Variants in KLKB1 observed in about 807,000 individuals in gnomAD.
KLKB1 encodes kallikrein B1, also known as plasma kallikrein.
Under a neutral mutation model 73.6 loss-of-function variants are expected in KLKB1, and 58 were observed. The observed-to-expected ratio is 0.79, with a 90% CI of 0.64 to 0.98. The LOEUF is 0.98. KLKB1 is among the 50% of genes least tolerant of loss of function. KLKB1 has a pLI of 0.00. For missense variants in KLKB1, 737 were observed against 763.8 expected, an observed-to-expected ratio of 0.96 and a Z score of 0.41; for synonymous variants, 280 against 258.1, an observed-to-expected ratio of 1.08 and a Z score of -0.81.
At chr4:186,241,525 C>A (rs1459659200) in intron 6 of KLKB1, among the ~76,000 whole-genome samples, 1 of 152,124 alleles carries the variant, frequency 6.6e-6, no homozygotes, top group African/African-American at 2.4e-5. Flanking sequence ...CATCTTCCTG[C>A]ATAGATCTTG....
chr4:186,251,888 C>G, intron 10 of KLKB1, 27 bp downstream of exon 10: 1 of 1,598,190 alleles, frequency 6.3e-7, no homozygotes, highest in Non-Finnish European at 8.6e-7. Flanking sequence ...TTTCGTGGAC[C>G]TGTCAGGGAT....
Position 186,257,369 on chromosome 4 carries a change from A to G in KLKB1, c.1725+4A>G. On this transcript the variant is annotated splice_donor_region_variant and intron_variant, in intron 14 of 14. Transcript: ENST00000264690. ...AGGGGGAAAAGATGCTTGTAAGGTA[A>G]CTCATGAGATTATGAAAAACACAAT... 1.3e-6 allele frequency: 2 copies of G among 1,574,018 alleles called. No individual in the cohort carries two copies. Among genetic ancestry groups the G allele is most frequent in the South Asian group, 2.4e-5 (2 of 82,624 alleles).
Position 186,248,419 on chromosome 4 carries a change from G to A in KLKB1, c.599-1824G>A, listed in dbSNP as rs543812937. Among the ~76,000 whole-genome samples, 6 of 152,198 alleles carry A rather than the reference G, an allele frequency of 3.9e-5. No homozygotes were observed. The East Asian group carries it at 1.2e-3, about 29-fold the overall frequency. On this transcript the variant is annotated intron_variant, in intron 6 of 14. Transcript: ENST00000264690. ...GGACATTTTACATAAATGGAATCATGCAATGCAGCACATTTTGCATCTGGC... is the reference window on the plus strand; with the variant it reads ...GGACATTTTACATAAATGGAATCATACAATGCAGCACATTTTGCATCTGGC...
At chr4:186,235,747 A>T (rs1395330426) in intron 4 of KLKB1, among the ~76,000 whole-genome samples, 1 of 152,182 alleles carries the variant, frequency 6.6e-6, no homozygotes, top group East Asian at 1.9e-4. Context: ...ATAAAACTTT[A>T]AAAAAGTATA....
chr4:186,242,465 G>A (rs1173769459), intron 6 of KLKB1, among the ~76,000 whole-genome samples: 2 of 152,144 alleles, frequency 1.3e-5, no homozygotes, highest in Non-Finnish European at 2.9e-5. Context: ...GGCGGCGTGG[G>A]AACCTACAGT....
chr4:186,216,180 A>G (rs983087330), intron 2 of KLKB1, among the ~76,000 whole-genome samples: 5 of 152,246 alleles, frequency 3.3e-5, no homozygotes, highest in African/African-American at 1.2e-4. Flanking sequence ...CTGCGGGGAA[A>G]GCAACCTTCC....
chr4:186,213,116 T>A (rs531010671), intron 2 of KLKB1: 2 of 152,388 alleles, frequency 1.3e-5, no homozygotes, highest in East Asian at 3.9e-4. Context: ...TAATGTTACC[T>A]TTTGGCTTGA....
chr4:186,242,036 A>G (rs1738077326), intron 6 of KLKB1, among the ~76,000 whole-genome samples: 2 of 152,186 alleles, frequency 1.3e-5, no homozygotes, highest in Non-Finnish European at 2.9e-5. Context: ...GGGTGCAGGC[A>G]GGCTGAGTCC....
rs1440430487 is a variant in KLKB1 at position 186,251,539 on chromosome 4, G to A, written c.921G>A (p.Leu307=). 3 of 1,614,050 alleles carry A rather than the reference G, an allele frequency of 1.9e-6. No individual in the cohort carries two copies. Among genetic ancestry groups the A allele is most frequent in the Non-Finnish European group, 2.5e-6 (3 of 1,179,942 alleles). ...YPGVDFGGEE[L]NVTFVKGVNV... is the part of the protein sequence containing the mutation. ...GAGTTGACTTTGGAGGAGAAGAATTGAATGTGACTTTTGTTAAAGGAGTGA... is the reference window on the plus strand; with the variant it reads ...GAGTTGACTTTGGAGGAGAAGAATTAAATGTGACTTTTGTTAAAGGAGTGA... Residue 307 remains leucine, a synonymous_variant, in exon 9 of 15, where the codon TTG becomes TTA. Coordinates refer to ENST00000264690, the MANE Select transcript of KLKB1 (RefSeq NM_000892.5).
chr4:186,234,805 A>G (rs1253966860), intron 4 of KLKB1, among the ~76,000 whole-genome samples: 1 of 152,228 alleles, frequency 6.6e-6, no homozygotes, highest in Non-Finnish European at 1.5e-5. Context: ...AATTTAAGAC[A>G]AATGAACTAT....
chr4:186,217,648 T>C (rs183919111), intron 2 of KLKB1, among the ~76,000 whole-genome samples: 4 of 152,316 alleles, frequency 2.6e-5, no homozygotes, highest in Admixed American at 2.6e-4. Context: ...GTCATTGTGG[T>C]CTTTAAATAT....
chr4:186,237,401 AT>A (rs1157280200), intron 5 of KLKB1, among the ~76,000 whole-genome samples: 1 of 152,036 alleles, frequency 6.6e-6, no homozygotes, highest in African/African-American at 2.4e-5. Flanking sequence ...CTCGCCCTTC[AT>A]TTTTTAATTA....
chr4:186,223,733 T>C (rs1427699613), upstream of KLKB1, among the ~76,000 whole-genome samples: 1 of 152,198 alleles, frequency 6.6e-6, no homozygotes. Context: ...GCATAAAAGT[T>C]TGGAAATTTT....
In KLKB1 at chr4:186,254,110, G is replaced by A. The variant is rs549321395; in HGVS notation, c.1314-478G>A. On this transcript the variant is annotated intron_variant, in intron 11 of 14. Coordinates refer to ENST00000264690, the MANE Select transcript of KLKB1 (RefSeq NM_000892.5). ...GGCCTCCCGAAGTGCTGGGATTACA[G>A]GTGTGGGCCACTGTGCCCAGCTGTA... Among the ~76,000 whole-genome samples the A allele has an allele frequency of 1.2e-3, 180 of 152,344 alleles. 4 individuals carry two copies. Among genetic ancestry groups the A allele is most frequent in the Middle Eastern group, 3.4e-3 (1 of 294 alleles).
intron 2 of KLKB1, among the ~76,000 whole-genome samples, chr4:186,215,016 C>T (rs1459338819): frequency 6.6e-6 from 1 of 152,146 alleles, no homozygotes; most frequent in East Asian, 1.9e-4. Flanking sequence ...TGATACTACT[C>T]AATTTATGTT....
At chr4:186,249,140 G>T (rs1023085371) in intron 6 of KLKB1, among the ~76,000 whole-genome samples, 55 of 152,162 alleles carry the variant, frequency 3.6e-4, no homozygotes, top group African/African-American at 1.3e-3. Flanking sequence ...TTTACTGATG[G>T]TGTTCTTTGA....
chr4:186,243,034 A>G (rs1168902159), intron 6 of KLKB1, among the ~76,000 whole-genome samples: 1 of 151,874 alleles, frequency 6.6e-6, no homozygotes, highest in Non-Finnish European at 1.5e-5. Flanking sequence ...AAAGGCCTCT[A>G]CCCATCCAGT....
At chr4:186,226,760 A>G (rs1477916036), upstream of KLKB1, among the ~76,000 whole-genome samples, 1 of 152,152 alleles carries the variant, frequency 6.6e-6, no homozygotes, top group Non-Finnish European at 1.5e-5. Context: ...TGGAGCCAAG[A>G]TCTCTGGAGG....
Position 186,251,536 on chromosome 4 carries a change from A to G in KLKB1, c.918A>G (p.Glu306=). The change falls in exon 9 of 15, where the codon GAA becomes GAG. Residue 306 remains glutamate (E), a synonymous_variant. Coordinates refer to ENST00000264690, the MANE Select transcript of KLKB1 (RefSeq NM_000892.5). ...CGGGAGTTGACTTTGGAGGAGAAGA[A>G]TTGAATGTGACTTTTGTTAAAGGAG... is the stretch of plus-strand genomic sequence containing the variant. The part of the protein sequence containing the change: ...IYPGVDFGGE[E]LNVTFVKGVN... The G allele has an allele frequency of 6.2e-7, 1 of 1,614,074 alleles. No individual in the cohort carries two copies. Among genetic ancestry groups the G allele is most frequent in the South Asian group, 1.1e-5 (1 of 91,078 alleles).
Sources: allele counts gnomAD v4.1 joint callset (sites outside exome capture counted in the v4.1 genomes callset), GRCh38; gene constraint gnomAD v4.1.1; transcripts MANE v1.5; gene names NCBI Gene and HGNC (gene_info 2026-07-23, HGNC 2026-07-21).